TNRC6A: variants seen among roughly 807,000 people sequenced by gnomAD.
The protein encoded by TNRC6A is trinucleotide repeat-containing gene 6A protein.
Under a neutral mutation model 221.2 loss-of-function variants are expected in TNRC6A, and 44 were observed. The ratio of observed to expected loss-of-function variants is 0.20; its 90% CI spans 0.16 to 0.26. The LOEUF is 0.26. Ranked by LOEUF, TNRC6A falls within the 10% of genes least tolerant of loss-of-function variation. TNRC6A has a pLI of 1.00. For missense variants in TNRC6A, 2,199 were observed against 2,404.4 expected (o/e 0.91, Z 1.79); for synonymous variants, 847 against 838.5 (o/e 1.01, Z -0.18).
chr16:24,659,059 TCA>T (rs1369975397), intron 2 of TNRC6A, among the ~76,000 whole-genome samples: 1 of 151,996 alleles, frequency 6.6e-6, no homozygotes, highest in African/African-American at 2.4e-5. Context: ...TCCACCCGCC[TCA>T]GTCTCCCAAA....
chr16:24,748,579 T>C (rs2057065551), intron 2 of TNRC6A, among the ~76,000 whole-genome samples: 1 of 152,198 alleles, frequency 6.6e-6, no homozygotes, highest in Non-Finnish European at 1.5e-5. Context: ...TCCTTTTAGC[T>C]GATTTTAGTA....
chr16:24,794,814 C>G (rs1209655367), intron 8 of TNRC6A, 95 bp downstream of exon 8: 11 of 1,233,086 alleles, frequency 8.9e-6, no homozygotes, highest in Non-Finnish European at 1.2e-5. Context: ...TTCTGGCGGT[C>G]AGTACAGTCC....
intron 2 of TNRC6A, among the ~76,000 whole-genome samples, chr16:24,669,941 C>CTTTTTTTTTT (rs535737725): frequency 0.014 from 371 of 27,180 alleles, 118 homozygotes; most frequent in African/African-American, 0.046. Flanking sequence ...GAGGCAGCTA[C>CTTTTTTTTTT]TTTTTTTTTT....
At chr16:24,663,016 A>G (rs2055067417) in intron 2 of TNRC6A, 1 of 153,772 alleles carries the variant, frequency 6.5e-6, no homozygotes, top group African/African-American at 2.4e-5. Flanking sequence ...TGAATTGCTT[A>G]GAAGAGGATA....
At chr16:24,618,905 C>T (rs1436720459) in intron 1 of TNRC6A, among the ~76,000 whole-genome samples, 2 of 152,104 alleles carry the variant, frequency 1.3e-5, no homozygotes, top group Non-Finnish European at 2.9e-5. Flanking sequence ...GCTAGGATTA[C>T]AGGTGTGAGC....
chr16:24,699,167 C>T (rs1322808577), intron 2 of TNRC6A, among the ~76,000 whole-genome samples: 3 of 152,304 alleles, frequency 2.0e-5, no homozygotes, highest in Admixed American at 1.3e-4. Flanking sequence ...TTCATTCCAT[C>T]AAATCATATC....
chr16:24,751,820 A>G (rs187269349), intron 3 of TNRC6A, among the ~76,000 whole-genome samples: 88 of 152,330 alleles, frequency 5.8e-4, no homozygotes, highest in African/African-American at 2.0e-3. Context: ...ATTTATGGGG[A>G]ACTGTTGCAG....
intron 1 of TNRC6A, among the ~76,000 whole-genome samples, chr16:24,637,220 A>C (rs7192195): frequency 0.091 from 13,765 of 151,998 alleles, 1,656 homozygotes; most frequent in African/African-American, 0.28. Flanking sequence ...TTTTGTAGAG[A>C]TGGGGTTTCA....
intron 1 of TNRC6A, among the ~76,000 whole-genome samples, chr16:24,629,246 T>G (rs1901204328): frequency 1.3e-5 from 2 of 152,214 alleles, no homozygotes; most frequent in South Asian, 4.1e-4. Flanking sequence ...TTCCTTCAGC[T>G]TTGTCATTTT....
intron 2 of TNRC6A, among the ~76,000 whole-genome samples, chr16:24,735,673 G>A (rs942696133): frequency 1.3e-5 from 2 of 152,140 alleles, no homozygotes; most frequent in Non-Finnish European, 2.9e-5. Context: ...ATACCATTCT[G>A]TAAGCTCTTT....
chr16:24,800,260 C>A (rs188360248), intron 11 of TNRC6A, among the ~76,000 whole-genome samples: 5 of 152,214 alleles, frequency 3.3e-5, no homozygotes, highest in Non-Finnish European at 7.3e-5. Context: ...TCACAACTTA[C>A]AAATTCTAGT....
chr16:24,647,353 TC>T (rs1902350229), intron 2 of TNRC6A, among the ~76,000 whole-genome samples: 1 of 152,196 alleles, frequency 6.6e-6, no homozygotes, highest in Non-Finnish European at 1.5e-5. Context: ...CATGCAAGAA[TC>T]CTAGTCATTT....
At chr16:24,644,370 C>T (rs1902165896) in intron 2 of TNRC6A, among the ~76,000 whole-genome samples, 1 of 152,008 alleles carries the variant, frequency 6.6e-6, no homozygotes, top group African/African-American at 2.4e-5. Flanking sequence ...TCACAGCTCA[C>T]TGCATCCTTA....
chr16:24,654,458 A>C (rs1902843323), intron 2 of TNRC6A, among the ~76,000 whole-genome samples: 1 of 152,208 alleles, frequency 6.6e-6, no homozygotes. Flanking sequence ...TAATCCCAGC[A>C]CTTTGGGAAG....
At chr16:24,645,691 T>C (rs981339109) in intron 2 of TNRC6A, among the ~76,000 whole-genome samples, 1 of 150,622 alleles carries the variant, frequency 6.6e-6, no homozygotes, top group African/African-American at 2.4e-5. Flanking sequence ...ATAATACTGG[T>C]GATTACCATT....
At chr16:24,731,799 A>G (rs111230408) in intron 2 of TNRC6A, among the ~76,000 whole-genome samples, 181 of 152,370 alleles carry the variant, frequency 1.2e-3, no homozygotes, top group African/African-American at 4.0e-3. Flanking sequence ...GCTATTTATC[A>G]GAGTTTGAAT....
intron 4 of TNRC6A, among the ~76,000 whole-genome samples, chr16:24,766,448 T>C (rs768555545): frequency 1.3e-5 from 2 of 152,120 alleles, no homozygotes; most frequent in Non-Finnish European, 1.5e-5. Context: ...TTTCTCCAGC[T>C]AATTCAGGGT....
chr16:24,733,667 A>AT (rs2056696396), intron 2 of TNRC6A, among the ~76,000 whole-genome samples: 1 of 152,240 alleles, frequency 6.6e-6, no homozygotes, highest in African/African-American at 2.4e-5. Flanking sequence ...TATTTGTAGC[A>AT]AACTGGTTAA....
intron 1 of TNRC6A, among the ~76,000 whole-genome samples, chr16:24,619,893 G>A (rs141289034): frequency 6.6e-6 from 1 of 152,300 alleles, no homozygotes; most frequent in Non-Finnish European, 1.5e-5. Flanking sequence ...TGTAATCTCA[G>A]CACTTTGGGA....
Sources: gnomAD v4.1 joint callset for allele counts (sites outside exome capture counted in the v4.1 genomes callset) on GRCh38, gnomAD v4.1.1 for gene constraint, MANE v1.5 for transcripts, NCBI Gene and HGNC (gene_info 2026-07-23, HGNC 2026-07-21) for gene names.